Variants in INTS9 observed in about 807,000 individuals in gnomAD.
INTS9 encodes the protein protein related to CPSF subunits of 74 kDa.
INTS9 carries 55 observed loss-of-function variants against 79.7 expected under a neutral mutation model. The observed-to-expected ratio is 0.69, with a 90% CI of 0.56 to 0.86. INTS9 has a LOEUF of 0.86. INTS9 is among the 40% of genes least tolerant of loss of function. The pLI is 0.00. For synonymous variants in INTS9, 319 were observed against 325.2 expected, an observed-to-expected ratio of 0.98 and a Z score of 0.20; for missense variants, 721 against 831.5, an observed-to-expected ratio of 0.87 and a Z score of 1.64.
chr8:28,795,638 T>C (rs1804166597), intron 9 of INTS9, among the ~76,000 whole-genome samples: 1 of 41,204 alleles, frequency 2.4e-5, no homozygotes. Flanking sequence ...AGACTCCGTC[T>C]CAAAAAAAAA....
At chr8:28,849,168 CA>C (rs538164896) in intron 3 of INTS9, among the ~76,000 whole-genome samples, 10 of 152,110 alleles carry the variant, frequency 6.6e-5, no homozygotes, top group Non-Finnish European at 1.5e-4. Context: ...TTTAGTTTTT[CA>C]AATGTGAAAC....
chr8:28,768,155 C>G lies in INTS9; in HGVS notation c.1968G>C (p.Gln656His). ...AGCTCAGATGGCCCACTCAGAACTT[C>G]TGTAAGAATTTGAGGACAAGGTCCC... ...RLRDLVLKFL[Q>H]KF The change falls in exon 17 of 17, where the codon CAG becomes CAC. Residue 656 changes from glutamine (Q) to histidine (H), a missense_variant. By Grantham distance (24) the Gln-to-His change is conservative (BLOSUM62 0). This residue lies in a region of INTS9 where 281 missense variants were observed against 300.8 expected (regional missense o/e 0.93). Coordinates refer to ENST00000521022, the MANE Select transcript of INTS9 (RefSeq NM_018250.4). 1.2e-6 allele frequency: 2 copies of G among 1,614,154 alleles called. No homozygotes were observed. The highest frequency in any genetic ancestry group is 1.7e-6 in the Non-Finnish European group (2 of 1,180,034).
intron 1 of INTS9, among the ~76,000 whole-genome samples, chr8:28,877,361 T>G (rs1404371132): frequency 6.6e-6 from 1 of 152,066 alleles, no homozygotes; most frequent in Non-Finnish European, 1.5e-5. Context: ...AAAATCAAAT[T>G]TAAAATATAA....
intron 6 of INTS9, among the ~76,000 whole-genome samples, chr8:28,827,117 A>G (rs145096447): frequency 4.2e-4 from 64 of 152,292 alleles, no homozygotes; most frequent in African/African-American, 1.5e-3. Flanking sequence ...CTGATTTTGG[A>G]TAAGAAGGAT....
chr8:28,817,875 C>T (rs1216317434), intron 6 of INTS9, among the ~76,000 whole-genome samples: 1 of 151,286 alleles, frequency 6.6e-6, no homozygotes, highest in Non-Finnish European at 1.5e-5. Context: ...CTTCACATCC[C>T]TTGTAAGTTG....
intron 1 of INTS9, among the ~76,000 whole-genome samples, chr8:28,864,817 C>T (rs1016154577): frequency 6.6e-6 from 1 of 151,938 alleles, no homozygotes; most frequent in African/African-American, 2.4e-5. Flanking sequence ...GAGGCTGAGG[C>T]ACGTGGATCA....
chr8:28,771,454 G>A (rs780350456), intron 14 of INTS9, among the ~76,000 whole-genome samples: 8 of 152,166 alleles, frequency 5.3e-5, no homozygotes, highest in African/African-American at 9.7e-5. Flanking sequence ...GTGCCCTGCC[G>A]TGCAGCCTGA....
intron 1 of INTS9, among the ~76,000 whole-genome samples, chr8:28,884,374 A>G (rs1585541859): frequency 1.3e-5 from 2 of 151,708 alleles, no homozygotes; most frequent in African/African-American, 4.8e-5. Flanking sequence ...TTGTACAGAC[A>G]GGGTCTCACT....
chr8:28,826,446 G>A (rs1206898863), intron 6 of INTS9, among the ~76,000 whole-genome samples: 1 of 152,176 alleles, frequency 6.6e-6, no homozygotes, highest in Non-Finnish European at 1.5e-5. Context: ...GGGTAACCCG[G>A]AGGAGGAAAG....
rs930031271 is a variant in INTS9, at chr8:28,770,243, G to A, written c.1663-217C>T. ...TGTCCAGCCTACCAACACCTTATTC[G>A]CTAAGATCTCTGCCTTCTATCAAGA... On this transcript the variant is annotated intron_variant, in intron 15 of 16. Coordinates refer to ENST00000521022, the MANE Select transcript of INTS9 (RefSeq NM_018250.4). 2.8e-4 allele frequency among the ~76,000 whole-genome samples: 42 copies of A among 152,200 alleles called. 1 individual carries two copies. Among genetic ancestry groups the A allele is most frequent in the African/African-American group, 9.2e-4 (38 of 41,440 alleles).
intron 1 of INTS9, among the ~76,000 whole-genome samples, chr8:28,863,169 A>G (rs1028077737): frequency 2.0e-5 from 3 of 152,118 alleles, no homozygotes; most frequent in African/African-American, 7.3e-5. Context: ...CCCTAAGACT[A>G]GGTGAAGTGA....
chr8:28,778,382 T>TC (rs140187341), intron 12 of INTS9, among the ~76,000 whole-genome samples: 9 of 151,564 alleles, frequency 5.9e-5, no homozygotes, highest in Non-Finnish European at 1.3e-4. Flanking sequence ...TTTCAAAGAG[T>TC]CCCCCACAAG....
Position 28,793,902 on chromosome 8 carries a change from C to CTGA in INTS9, c.939_941dup (p.Tyr313_Gln314insHis). ...TGGAAAGCCCGGCTGAGTCGATGTA[C>CTGA]TGATATAGGCACTCCAGGAGGTCAT... On this transcript the variant is annotated inframe_insertion, in exon 10 of 17. Transcript: ENST00000521022. 1 of 1,614,036 alleles carries CTGA rather than the reference C, an allele frequency of 6.2e-7. No homozygotes were observed. Among genetic ancestry groups the CTGA allele is most frequent in the Non-Finnish European group, 8.5e-7 (1 of 1,179,976 alleles).
At chr8:28,885,956 A>G (rs959722200) in intron 1 of INTS9, among the ~76,000 whole-genome samples, 1 of 152,232 alleles carries the variant, frequency 6.6e-6, no homozygotes. Context: ...ATTGCATATT[A>G]TAAATACGGA....
At chr8:28,803,737 C>T (rs1392370142) in intron 8 of INTS9, among the ~76,000 whole-genome samples, 5 of 152,020 alleles carry the variant, frequency 3.3e-5, no homozygotes, top group African/African-American at 1.2e-4. Flanking sequence ...TGTCAGGATT[C>T]ATATAGTTTT....
intron 11 of INTS9, among the ~76,000 whole-genome samples, chr8:28,784,853 C>T (rs939353529): frequency 2.6e-4 from 39 of 152,220 alleles, no homozygotes; most frequent in Middle Eastern, 3.2e-3. Context: ...TCAGACTTTA[C>T]CAACTGTTAT....
At chr8:28,889,717 TCAA>T (rs1810507911) in intron 1 of INTS9, 154 bp downstream of exon 1, 1 of 738,396 alleles carries the variant, frequency 1.4e-6, no homozygotes, top group South Asian at 1.9e-5. Flanking sequence ...TCAAACCTTC[TCAA>T]CAACAAAAAG....
intron 10 of INTS9, 67 bp from the exon 11 acceptor site, chr8:28,787,956 T>A: frequency 9.6e-7 from 1 of 1,039,896 alleles, no homozygotes; most frequent in Non-Finnish European, 1.5e-6. Flanking sequence ...TGCCACCTAG[T>A]GGCAGCAGTG....
intron 1 of INTS9, among the ~76,000 whole-genome samples, chr8:28,880,528 C>G (rs964715953): frequency 6.6e-6 from 1 of 151,762 alleles, no homozygotes; most frequent in African/African-American, 2.4e-5. Flanking sequence ...CCCGAGGTGC[C>G]GGGATTGCAG....
Sources: allele counts gnomAD v4.1 joint callset (sites outside exome capture counted in the v4.1 genomes callset), GRCh38; gene constraint gnomAD v4.1.1; regional missense constraint gnomAD v4.1.1; transcripts MANE v1.5; gene names NCBI Gene and HGNC (gene_info 2026-07-23, HGNC 2026-07-21).